Variants in SLIT3 observed in about 807,000 individuals in gnomAD.
SLIT3 encodes the protein slit homolog 3 protein.
In SLIT3, 68 loss-of-function variants were observed where a neutral mutation model predicts 184.0. The ratio of observed to expected loss-of-function variants is 0.37; its 90% CI spans 0.30 to 0.45. The LOEUF (loss-of-function observed/expected upper bound fraction) is 0.45. Ranked by LOEUF, SLIT3 falls within the 20% of genes least tolerant of loss-of-function variation. SLIT3 has a pLI of 1.00. For missense variants in SLIT3, 1,707 were observed against 2,026.0 expected (o/e 0.84, Z 3.02); for synonymous variants, 831 against 828.6 (o/e 1.00, Z -0.05).
chr5:168,916,187 C>T (rs1290601787), intron 4 of SLIT3, among the ~76,000 whole-genome samples: 1 of 152,166 alleles, frequency 6.6e-6, no homozygotes, highest in Admixed American at 6.5e-5. Context: ...ATATGTGGAG[C>T]CCACATTTGA....
At chr5:168,688,626 C>T (rs970240992) in intron 29 of SLIT3, among the ~76,000 whole-genome samples, 1 of 152,160 alleles carries the variant, frequency 6.6e-6, no homozygotes, top group Non-Finnish European at 1.5e-5. Context: ...AATTGAAATC[C>T]GCTAAGATCT....
chr5:168,961,591 T>C (rs1763009434), intron 4 of SLIT3, among the ~76,000 whole-genome samples: 1 of 152,188 alleles, frequency 6.6e-6, no homozygotes, highest in South Asian at 2.1e-4. Flanking sequence ...GGAAGGCAGA[T>C]GCTTGATCTG....
At chr5:169,265,098 A>C (rs1354586216) in intron 1 of SLIT3, among the ~76,000 whole-genome samples, 1 of 152,136 alleles carries the variant, frequency 6.6e-6, no homozygotes, top group East Asian at 1.9e-4. Flanking sequence ...CTTTTCCTTC[A>C]TCCCTTGCAC....
rs147552341 is a variant in SLIT3, at chr5:169,299,464, G to A, written c.197+1049C>T. Among the ~76,000 whole-genome samples the A allele has an allele frequency of 2.6e-3, 402 of 152,230 alleles. 2 individuals are homozygous for A. The highest frequency in any genetic ancestry group is 4.7e-3 in the Non-Finnish European group (322 of 68,006). The stretch of plus-strand genomic sequence containing the variant: ...TACCCCTAAGGCACATGAGGAAGGG[G>A]AGAAGAGGGAGAGCAAGACACGGAG... On this transcript the variant is annotated intron_variant, in intron 1 of 35. Coordinates refer to ENST00000519560, the MANE Select transcript of SLIT3 (RefSeq NM_003062.4).
rs947500963 is a variant in SLIT3, at chr5:168,780,925, TTC to T, written c.1151+4980_1151+4981del. Among the ~76,000 whole-genome samples the T allele has an allele frequency of 3.9e-5, 6 of 152,314 alleles. No homozygotes were observed. In the South Asian group the frequency reaches 6.2e-4, roughly 16 times the overall value. On this transcript the variant is annotated intron_variant, in intron 12 of 35. Transcript: ENST00000519560. ...ATGAATTCTGACCCTGCCCAGAATC[TTC>T]TCTGTGCTTGAAAATGGGTGCTGTA...
intron 4 of SLIT3, among the ~76,000 whole-genome samples, chr5:168,893,528 C>G (rs980406367): frequency 3.3e-5 from 5 of 152,102 alleles, no homozygotes; most frequent in Non-Finnish European, 5.9e-5. Context: ...AAATTCATCT[C>G]AAGAAGTAGC....
intron 4 of SLIT3, among the ~76,000 whole-genome samples, chr5:169,137,403 G>A (rs547015680): frequency 9.3e-5 from 14 of 151,062 alleles, no homozygotes; most frequent in South Asian, 4.2e-4. Context: ...ATCTATTTCC[G>A]GCAAGATCCC....
At chr5:169,054,397 A>G (rs1161868614) in intron 4 of SLIT3, among the ~76,000 whole-genome samples, 3 of 152,104 alleles carry the variant, frequency 2.0e-5, no homozygotes, top group Non-Finnish European at 4.4e-5. Context: ...TTGGACTTCT[A>G]TCCTGCAGAA....
At chr5:169,132,801 G>A (rs894584718) in intron 4 of SLIT3, among the ~76,000 whole-genome samples, 2 of 152,146 alleles carry the variant, frequency 1.3e-5, no homozygotes, top group South Asian at 2.1e-4. Context: ...GAAGATTCCC[G>A]TGATCTGTAA....
chr5:169,212,509 G>A (rs544245787), intron 3 of SLIT3, among the ~76,000 whole-genome samples: 335 of 152,052 alleles, frequency 2.2e-3, no homozygotes, highest in Admixed American at 3.3e-3. Flanking sequence ...TGTAGATTCT[G>A]GATATTAGCC....
intron 18 of SLIT3, among the ~76,000 whole-genome samples, chr5:168,749,964 C>A (rs992003392): frequency 3.3e-5 from 5 of 152,160 alleles, no homozygotes; most frequent in African/African-American, 1.2e-4. Flanking sequence ...GGTTGCCTGG[C>A]TGGCTTCTTC....
chr5:168,872,110 CACTT>C (rs1759544055), intron 5 of SLIT3, among the ~76,000 whole-genome samples: 1 of 152,174 alleles, frequency 6.6e-6, no homozygotes, highest in Admixed American at 6.5e-5. Flanking sequence ...ACATGGGAGT[CACTT>C]ACCCTTTTTC....
intron 6 of SLIT3, among the ~76,000 whole-genome samples, chr5:168,833,146 CA>C (rs751533243): frequency 3.9e-5 from 6 of 152,180 alleles, no homozygotes; most frequent in Admixed American, 6.5e-5. Flanking sequence ...TGTTTTCCAC[CA>C]GGCAGGTGAG....
intron 4 of SLIT3, among the ~76,000 whole-genome samples, chr5:168,897,646 G>GCGCGCGCGCGCGCGCACACA: frequency 7.6e-4 from 80 of 105,422 alleles, no homozygotes; most frequent in South Asian, 1.4e-3. Context: ...ACAGGTGCAC[G>GCGCGCGCGCGCGCGCACACA]TACACACACA....
rs147935187 is a variant in SLIT3, at chr5:169,142,429, G to A, written c.413+51050C>T. Reference sequence around the variant, plus strand: ...GCTGACTCCATAATCAGCTTCTCTCGTCTTCCTTCAGGCCCACAAATCACT... The same window carrying A: ...GCTGACTCCATAATCAGCTTCTCTCATCTTCCTTCAGGCCCACAAATCACT... On this transcript the variant is annotated intron_variant, in intron 4 of 35. Coordinates refer to ENST00000519560, the MANE Select transcript of SLIT3 (RefSeq NM_003062.4). Among the ~76,000 whole-genome samples, 11 of 152,246 alleles carry A rather than the reference G, an allele frequency of 7.2e-5. No individual in the cohort carries two copies. In the East Asian group the frequency reaches 7.7e-4, roughly 11 times the overall value.
At chr5:169,238,868 A>G (rs748846421) in intron 3 of SLIT3, among the ~76,000 whole-genome samples, 2 of 152,160 alleles carry the variant, frequency 1.3e-5, no homozygotes, top group African/African-American at 2.4e-5. Context: ...ATTGGATCTG[A>G]TAGAACTCTC....
intron 6 of SLIT3, among the ~76,000 whole-genome samples, chr5:168,836,595 T>C (rs746123845): frequency 4.6e-5 from 7 of 152,164 alleles, no homozygotes; most frequent in African/African-American, 7.2e-5. Flanking sequence ...GGACAAAGCA[T>C]TTCAAAAGAC....
chr5:169,035,693 C>G (rs140829481), intron 4 of SLIT3, among the ~76,000 whole-genome samples: 1 of 147,846 alleles, frequency 6.8e-6, no homozygotes, highest in African/African-American at 2.5e-5. Flanking sequence ...CTCTTCACAA[C>G]AAGACTACAA....
rs2113572833 is a variant in SLIT3, at chr5:169,241,088, AC to A, written c.341+3616del. 2.0e-5 allele frequency among the ~76,000 whole-genome samples: 3 copies of A among 152,038 alleles called. No individual in the cohort carries two copies. In the South Asian group the frequency reaches 6.2e-4, roughly 32 times the overall value. On this transcript the variant is annotated intron_variant, in intron 3 of 35. Coordinates refer to ENST00000519560, the MANE Select transcript of SLIT3 (RefSeq NM_003062.4). ...AACTCCCATGTTTTTCTTGACATTGACTTTTTTAAAAGATCAGGGCAGCTGT... is the reference window on the plus strand; with the variant it reads ...AACTCCCATGTTTTTCTTGACATTGATTTTTTAAAAGATCAGGGCAGCTGT...
Sources: gnomAD v4.1 joint callset for allele counts (sites outside exome capture counted in the v4.1 genomes callset) on GRCh38, gnomAD v4.1.1 for gene constraint, MANE v1.5 for transcripts, NCBI Gene and HGNC (gene_info 2026-07-23, HGNC 2026-07-21) for gene names.